Variants in NT5E observed in about 807,000 individuals in gnomAD.
The protein encoded by NT5E is 5'-nucleotidase.
NT5E carries 53 observed loss-of-function variants against 55.1 expected under a neutral mutation model. The observed-to-expected ratio is 0.96, with a 90% CI of 0.77 to 1.21. The LOEUF is 1.21. Ranked by LOEUF, NT5E falls within the 50% of genes most tolerant of loss-of-function variation. The pLI, the probability that NT5E is intolerant of heterozygous loss-of-function variation, is 0.00. For missense variants in NT5E, 683 were observed against 724.3 expected, an observed-to-expected ratio of 0.94 and a Z score of 0.65; for synonymous variants, 270 against 278.4, an observed-to-expected ratio of 0.97 and a Z score of 0.30.
intron 1 of NT5E, among the ~76,000 whole-genome samples, chr6:85,455,508 C>T (rs1193453735): frequency 6.6e-6 from 1 of 152,224 alleles, no homozygotes; most frequent in Non-Finnish European, 1.5e-5. Context: ...CATGAAAGCT[C>T]CGCATTGCCC....
At chr6:85,456,343 C>G (rs1467953119) in intron 1 of NT5E, among the ~76,000 whole-genome samples, 1 of 152,154 alleles carries the variant, frequency 6.6e-6, no homozygotes, top group African/African-American at 2.4e-5. Flanking sequence ...GTGACTCGTT[C>G]TAGCCAATTA....
intron 6 of NT5E, 120 bp downstream of exon 6, chr6:85,489,719 T>C (rs1006738373): frequency 1.8e-5 from 13 of 741,602 alleles, no homozygotes; most frequent in South Asian, 3.0e-5. Context: ...CTGCCAGCCA[T>C]GTACCAGAAT....
rs746573896 is a variant in NT5E, at chr6:85,490,510, A to C, written c.1213A>C (p.Thr405Pro). 6.2e-7 allele frequency: 1 copy of C among 1,614,202 alleles called. No individual in the cohort carries two copies. The highest frequency in any genetic ancestry group is 1.1e-5 in the South Asian group (1 of 91,084). ...RSPIDERNNG[T>P]ITWENLAAVL... ...GCCTCATCTGTGACTACCCTCAGGC[A>C]CAATTACCTGGGAGAACCTGGCTGC... The change falls in exon 7 of 9, where the codon ACA (threonine) becomes CCA (proline). Residue 405 changes from threonine (T) to proline (P), a missense_variant and splice_region_variant. Coordinates refer to ENST00000257770, the MANE Select transcript of NT5E (RefSeq NM_002526.4).
At chr6:85,469,620 G>A (rs1375970260) in intron 2 of NT5E, among the ~76,000 whole-genome samples, 1 of 152,200 alleles carries the variant, frequency 6.6e-6, no homozygotes, top group African/African-American at 2.4e-5. Context: ...ATAGCACTGA[G>A]GGTCAACGGG....
chr6:85,490,681 T>C lies in NT5E; in HGVS notation c.1360+24T>C, dbSNP rs1769764296. 3.1e-6 allele frequency: 5 copies of C among 1,612,990 alleles called. No individual in the cohort carries two copies. In the East Asian group the frequency reaches 1.1e-4, roughly 36 times the overall value. On this transcript the variant is annotated intron_variant, in intron 7 of 8. Coordinates refer to ENST00000257770, the MANE Select transcript of NT5E (RefSeq NM_002526.4). The stretch of plus-strand genomic sequence containing the variant: ...CGGTAAGTCACCCATCCTGTAGGGC[T>C]GGCCCATCCAAAGTGACATGGCATT...
At chr6:85,467,939 T>A (rs1040555880) in intron 2 of NT5E, among the ~76,000 whole-genome samples, 1 of 151,884 alleles carries the variant, frequency 6.6e-6, no homozygotes, top group Non-Finnish European at 1.5e-5. Flanking sequence ...CACACACATA[T>A]ATAATCTTAA....
intron 3 of NT5E, among the ~76,000 whole-genome samples, chr6:85,484,660 G>A (rs931245139): frequency 9.9e-5 from 15 of 152,138 alleles, no homozygotes; most frequent in Admixed American, 9.2e-4. Context: ...TTCTACTAAA[G>A]ATTTTAAGCT....
intron 1 of NT5E, among the ~76,000 whole-genome samples, chr6:85,458,088 C>T (rs1769022375): frequency 6.6e-6 from 1 of 152,174 alleles, no homozygotes; most frequent in African/African-American, 2.4e-5. Context: ...GAGACAAGTG[C>T]TTACAAGGAC....
Position 85,491,093 on chromosome 6 carries a change from T to C in NT5E, c.1360+436T>C, listed in dbSNP as rs181002793. The C allele has an allele frequency of 3.0e-5, 16 of 530,444 alleles. No homozygotes were observed. In the East Asian group the frequency reaches 8.8e-4, roughly 29 times the overall value. The allele number at this position is 530,444 out of a possible 1,614,324, so 32.9% of individuals were successfully genotyped here. ...AGGATGATTCCTGGAAGGAGCAGCC[T>C]ACTGCACAGACATACCTGAACACCT... On this transcript the variant is annotated intron_variant, in intron 7 of 8. Coordinates refer to ENST00000257770, the MANE Select transcript of NT5E (RefSeq NM_002526.4).
chr6:85,458,080 G>A (rs1427031754), intron 1 of NT5E, among the ~76,000 whole-genome samples: 2 of 152,338 alleles, frequency 1.3e-5, no homozygotes, highest in East Asian at 3.9e-4. Context: ...TAAGAAGAGA[G>A]ACAAGTGCTT....
intron 2 of NT5E, among the ~76,000 whole-genome samples, chr6:85,468,931 C>T (rs538308841): frequency 6.6e-6 from 1 of 152,160 alleles, no homozygotes; most frequent in Non-Finnish European, 1.5e-5. Context: ...CTGCATTTTG[C>T]AGGGCCCAGT....
intron 1 of NT5E, among the ~76,000 whole-genome samples, chr6:85,461,938 C>T (rs1228047751): frequency 2.0e-5 from 3 of 152,132 alleles, no homozygotes; most frequent in Admixed American, 6.5e-5. Flanking sequence ...CAGAGAAGGG[C>T]GCTTAGCTCC....
At chr6:85,451,275 G>A (rs535578743) in intron 1 of NT5E, among the ~76,000 whole-genome samples, 7 of 152,330 alleles carry the variant, frequency 4.6e-5, no homozygotes, top group African/African-American at 1.4e-4. Context: ...GAGCCAAAAT[G>A]TGGAAAGACT....
chr6:85,467,494 T>C (rs960852763), intron 2 of NT5E, among the ~76,000 whole-genome samples: 2 of 152,204 alleles, frequency 1.3e-5, no homozygotes, highest in Non-Finnish European at 2.9e-5. Flanking sequence ...AACTTCTTTG[T>C]TGACAAAAAC....
intron 4 of NT5E, 149 bp downstream of exon 4, chr6:85,485,581 T>C: frequency 2.5e-6 from 2 of 794,350 alleles, no homozygotes; most frequent in Non-Finnish European, 4.2e-6. Context: ...GCCCTCTTCA[T>C]GGATAGATTT....
rs531192201 is a variant in NT5E at position 85,476,241 on chromosome 6, G to T, written c.751+4816G>T. 3.3e-5 allele frequency among the ~76,000 whole-genome samples: 5 copies of T among 152,312 alleles called. No homozygotes were observed. The South Asian group carries it at 1.0e-3, about 32-fold the overall frequency. On this transcript the variant is annotated intron_variant, in intron 3 of 8. Coordinates refer to ENST00000257770, the MANE Select transcript of NT5E (RefSeq NM_002526.4). Reference sequence around the variant, plus strand: ...CCATTTCAGCAACTTCACTTCTGGGGCCACAGGCTGAGACTTGATTATCTC... The same window carrying T: ...CCATTTCAGCAACTTCACTTCTGGGTCCACAGGCTGAGACTTGATTATCTC...
intron 1 of NT5E, among the ~76,000 whole-genome samples, chr6:85,452,650 G>T (rs1254454827): frequency 6.6e-6 from 1 of 152,158 alleles, no homozygotes; most frequent in Non-Finnish European, 1.5e-5. Context: ...CAGTTTGGGG[G>T]TGTGTCAAAC....
At position 85,494,275 on chromosome 6, in the gene NT5E, C is replaced by A; in HGVS notation, c.*271C>A. ...CCAAATTTTAATGAAATTTTACTAA[C>A]AATTTTAAACCATATTTTTCTTCTT... On this transcript the variant is annotated 3_prime_UTR_variant, in exon 9 of 9. Transcript: ENST00000257770. 2.3e-6 allele frequency: 1 copy of A among 437,354 alleles called. No individual in the cohort carries two copies. Among genetic ancestry groups the A allele is most frequent in the Non-Finnish European group, 4.1e-6 (1 of 245,576 alleles). 27.1% of individuals were successfully genotyped at this position (437,354 alleles called of 1,614,324 possible). A position where few individuals can be genotyped will look rare whatever the true frequency, so the allele number is the denominator to read the frequency against.
At chr6:85,480,337 T>A (rs1255531128) in intron 3 of NT5E, among the ~76,000 whole-genome samples, 1 of 152,220 alleles carries the variant, frequency 6.6e-6, no homozygotes, top group Non-Finnish European at 1.5e-5. Flanking sequence ...TTGAAGCATG[T>A]GCAGAGTGAC....
Sources: gnomAD v4.1 joint callset for allele counts (sites outside exome capture counted in the v4.1 genomes callset) on GRCh38, gnomAD v4.1.1 for gene constraint, MANE v1.5 for transcripts, NCBI Gene and HGNC (gene_info 2026-07-23, HGNC 2026-07-21) for gene names.